UVRAG: variants seen among roughly 807,000 people sequenced by gnomAD.
UVRAG encodes the protein UV radiation resistance associated, also known as UV radiation resistance-associated gene protein.
Under a neutral mutation model 78.0 loss-of-function variants are expected in UVRAG, and 19 were observed. The observed-to-expected ratio is 0.24, with a 90% CI of 0.17 to 0.36. The LOEUF (loss-of-function observed/expected upper bound fraction) is 0.36. Among genes scored for constraint, UVRAG ranks in the 10% least tolerant of loss-of-function variants. The pLI is 1.00. For missense variants in UVRAG, 740 were observed against 853.8 expected (o/e 0.87, Z 1.66); for synonymous variants, 323 against 324.6 (o/e 1.00, Z 0.05).
chr11:75,951,948 A>C (rs1948711538), intron 6 of UVRAG, among the ~76,000 whole-genome samples: 1 of 152,206 alleles, frequency 6.6e-6, no homozygotes. Flanking sequence ...TTGACTGCTT[A>C]ATAATATCGT....
At chr11:76,051,669 A>G (rs890134696) in intron 12 of UVRAG, among the ~76,000 whole-genome samples, 1 of 152,200 alleles carries the variant, frequency 6.6e-6, no homozygotes, top group Non-Finnish European at 1.5e-5. Flanking sequence ...AAAATATTGT[A>G]TATAATATTG....
At chr11:75,978,334 C>T (rs1297071286) in intron 7 of UVRAG, among the ~76,000 whole-genome samples, 1 of 152,154 alleles carries the variant, frequency 6.6e-6, no homozygotes, top group Middle Eastern at 3.2e-3. Flanking sequence ...GTGAATCTGA[C>T]AATTATGTGT....
intron 12 of UVRAG, among the ~76,000 whole-genome samples, chr11:76,035,444 T>C (rs1461218418): frequency 6.6e-6 from 1 of 152,184 alleles, no homozygotes; most frequent in Non-Finnish European, 1.5e-5. Flanking sequence ...TTTTCTATTT[T>C]TGTATTATTT....
chr11:76,055,174 A>C (rs1278190131), intron 12 of UVRAG, among the ~76,000 whole-genome samples: 1 of 152,064 alleles, frequency 6.6e-6, no homozygotes, highest in Non-Finnish European at 1.5e-5. Flanking sequence ...CAGCCTCCCA[A>C]GTAGCTGGGA....
intron 14 of UVRAG, among the ~76,000 whole-genome samples, chr11:76,121,613 G>T (rs1410559349): frequency 2.0e-5 from 3 of 152,182 alleles, no homozygotes; most frequent in Non-Finnish European, 4.4e-5. Context: ...TGAGTGGGCT[G>T]TGTGATGGGG....
intron 6 of UVRAG, among the ~76,000 whole-genome samples, chr11:75,914,763 G>A (rs1326205507): frequency 6.6e-6 from 1 of 151,986 alleles, no homozygotes; most frequent in African/African-American, 2.4e-5. Context: ...CAAAGTGCTG[G>A]GATTACAGGC....
intron 12 of UVRAG, among the ~76,000 whole-genome samples, chr11:76,026,746 A>G (rs1476302600): frequency 6.6e-6 from 1 of 152,126 alleles, no homozygotes; most frequent in African/African-American, 2.4e-5. Flanking sequence ...TTGGTTCTCT[A>G]TCTTCCTTGC....
chr11:75,882,527 A>T (rs112297298), intron 4 of UVRAG, among the ~76,000 whole-genome samples: 11,331 of 151,244 alleles, frequency 0.075, 630 homozygotes, highest in African/African-American at 0.16. Flanking sequence ...AAAAAAAAAA[A>T]TTTTTTTTGA....
At chr11:76,050,455 T>C (rs1319249699) in intron 12 of UVRAG, among the ~76,000 whole-genome samples, 1 of 152,218 alleles carries the variant, frequency 6.6e-6, no homozygotes, top group Non-Finnish European at 1.5e-5. Flanking sequence ...GAATCTGAGC[T>C]TAACACCCAT....
intron 8 of UVRAG, among the ~76,000 whole-genome samples, chr11:75,991,475 T>C (rs963268390): frequency 2.0e-5 from 3 of 152,194 alleles, no homozygotes; most frequent in Non-Finnish European, 4.4e-5. Context: ...ACTATAAATA[T>C]GTAATATTGT....
intron 12 of UVRAG, among the ~76,000 whole-genome samples, chr11:76,052,745 C>T (rs184006704): frequency 1.3e-5 from 2 of 152,058 alleles, no homozygotes; most frequent in Admixed American, 1.3e-4. Context: ...TTTTCTGGCT[C>T]CTTCTCCCCA....
intron 14 of UVRAG, 21 bp downstream of exon 14, chr11:76,116,036 T>C: frequency 6.2e-7 from 1 of 1,606,032 alleles, no homozygotes; most frequent in Non-Finnish European, 8.5e-7. Flanking sequence ...TTATCTCTGA[T>C]AACCAGAAAC....
chr11:75,977,112 T>G (rs1949260556), intron 7 of UVRAG, among the ~76,000 whole-genome samples: 1 of 152,240 alleles, frequency 6.6e-6, no homozygotes, highest in African/African-American at 2.4e-5. Context: ...ATTTCTGCCT[T>G]CATTTCATTA....
At chr11:76,053,388 A>G (rs900716514) in intron 12 of UVRAG, among the ~76,000 whole-genome samples, 2 of 151,452 alleles carry the variant, frequency 1.3e-5, no homozygotes, top group Admixed American at 1.3e-4. Flanking sequence ...TCCCATCACA[A>G]TTCACAGATA....
chr11:75,855,439 C>T (rs551076779), intron 2 of UVRAG, among the ~76,000 whole-genome samples: 2 of 152,356 alleles, frequency 1.3e-5, no homozygotes, highest in South Asian at 4.1e-4. Flanking sequence ...GCATTCCTCC[C>T]ATTCCAAAAT....
At chr11:76,119,440 G>A (rs114934675) in intron 14 of UVRAG, among the ~76,000 whole-genome samples, 110 of 152,090 alleles carry the variant, frequency 7.2e-4, no homozygotes, top group African/African-American at 2.6e-3. Context: ...TTTGTCTTCA[G>A]TGTAAACCTC....
At chr11:76,039,880 T>G (rs1950609968) in intron 12 of UVRAG, among the ~76,000 whole-genome samples, 2 of 151,998 alleles carry the variant, frequency 1.3e-5, no homozygotes. Context: ...TGCCTCAAAA[T>G]TTTAAAAAAT....
chr11:76,122,243 TAAC>T (rs1378219728), intron 14 of UVRAG, among the ~76,000 whole-genome samples: 1 of 152,170 alleles, frequency 6.6e-6, no homozygotes, highest in Non-Finnish European at 1.5e-5. Context: ...ACTAAGGAGA[TAAC>T]ATTTCAGTGG....
chr11:76,062,291 A>G (rs990471849), intron 12 of UVRAG, among the ~76,000 whole-genome samples: 1 of 152,314 alleles, frequency 6.6e-6, no homozygotes, highest in African/African-American at 2.4e-5. Context: ...TTAGGTCCCA[A>G]GGATTAGAAT....
Sources: allele counts gnomAD v4.1 joint callset (sites outside exome capture counted in the v4.1 genomes callset), GRCh38; gene constraint gnomAD v4.1.1; transcripts MANE v1.5; gene names NCBI Gene and HGNC (gene_info 2026-07-23, HGNC 2026-07-21).